Variants in RYK observed in about 807,000 individuals in gnomAD.
RYK encodes receptor like tyrosine kinase.
A neutral mutation model predicts 70.2 loss-of-function variants in RYK; 21 were observed. The ratio of observed to expected loss-of-function variants is 0.30; its 90% CI spans 0.21 to 0.43. RYK has a LOEUF of 0.43. Among genes scored for constraint, RYK ranks in the 20% least tolerant of loss-of-function variants. RYK has a pLI of 1.00. For missense variants in RYK, 604 were observed against 753.3 expected (o/e 0.80, Z 2.32); for synonymous variants, 267 against 278.0 (o/e 0.96, Z 0.39).
chr3:134,163,432 T>C (rs997883293), intron 13 of RYK, among the ~76,000 whole-genome samples: 15 of 152,212 alleles, frequency 9.9e-5, no homozygotes, highest in African/African-American at 3.1e-4. Flanking sequence ...TTACGAAAGA[T>C]TGTGGCTATC....
At chr3:134,229,744 A>G (rs1236153100) in intron 1 of RYK, among the ~76,000 whole-genome samples, 1 of 152,190 alleles carries the variant, frequency 6.6e-6, no homozygotes, top group African/African-American at 2.4e-5. Flanking sequence ...ATTAAATAAA[A>G]TGGACAAAAG....
intron 6 of RYK, among the ~76,000 whole-genome samples, chr3:134,198,894 G>A (rs1475490966): frequency 6.6e-6 from 1 of 152,140 alleles, no homozygotes; most frequent in Non-Finnish European, 1.5e-5. Context: ...TAATGGCATG[G>A]GGGCGGTGGT....
intron 7 of RYK, among the ~76,000 whole-genome samples, chr3:134,192,802 C>A (rs907966253): frequency 6.6e-6 from 1 of 152,110 alleles, no homozygotes; most frequent in Non-Finnish European, 1.5e-5. Context: ...AAGTTTTGGG[C>A]AACTTTACAA....
chr3:134,177,977 T>G lies in RYK; in HGVS notation c.1269A>C (p.Leu423Phe). The change falls in exon 11 of 15, where the codon TTA (leucine) becomes TTC (phenylalanine). Residue 423 changes from leucine to phenylalanine, a missense_variant. By Grantham distance (22) the Leu-to-Phe change is conservative (BLOSUM62 0). Transcript: ENST00000623711. ...YMNWGNLKLF[L>F]RQCKLVEANN... ...TGGCCTCTACTAACTTGCACTGTCG[T>G]AAAAACAATTTAAGATTCCCCCAAT... The G allele has an allele frequency of 6.2e-7, 1 of 1,613,268 alleles. No individual in the cohort carries two copies. Among genetic ancestry groups the G allele is most frequent in the Non-Finnish European group, 8.5e-7 (1 of 1,179,522 alleles).
chr3:134,232,908 C>T lies in RYK; in HGVS notation c.233-10369G>A, dbSNP rs1434050962. On this transcript the variant is annotated intron_variant, in intron 1 of 14. Transcript: ENST00000623711. ...TTTCAGTGAGAAAGAAAAAGATCCT[C>T]ATTTAGCTCAGCTGCTGCCAAGCAG... Among the ~76,000 whole-genome samples, 6 of 152,232 alleles carry T rather than the reference C, an allele frequency of 3.9e-5. No individual in the cohort carries two copies. In the East Asian group the frequency reaches 1.2e-3, roughly 29 times the overall value.
chr3:134,246,489 C>A (rs79403006), intron 1 of RYK, among the ~76,000 whole-genome samples: 2,104 of 151,058 alleles, frequency 0.014, 15 homozygotes, highest in Middle Eastern at 0.041. Context: ...ACCAACCAAC[C>A]ACACAAAAAC....
intron 13 of RYK, 102 bp from the exon 14 acceptor site, chr3:134,159,475 T>G (rs2012377128): frequency 1.7e-6 from 2 of 1,155,906 alleles, no homozygotes; most frequent in Non-Finnish European, 2.4e-6. Flanking sequence ...GCTCAACTCA[T>G]GCTTTGGAAA....
chr3:134,209,450 T>C (rs2014322625), intron 4 of RYK, among the ~76,000 whole-genome samples: 1 of 152,204 alleles, frequency 6.6e-6, no homozygotes, highest in African/African-American at 2.4e-5. Flanking sequence ...GCACTATTCC[T>C]AATGGAAAAC....
At chr3:134,197,025 CATTGCTTTTAATGCT>C (rs374376769) in intron 6 of RYK, among the ~76,000 whole-genome samples, 403 of 152,102 alleles carry the variant, frequency 2.6e-3, no homozygotes, top group South Asian at 0.011. Context: ...CAGTTTTTGT[CATTGCTTTTAATGCT>C]ATTGCTTTTA....
intron 13 of RYK, among the ~76,000 whole-genome samples, chr3:134,174,954 AAAT>A (rs1000773808): frequency 1.6e-4 from 24 of 152,236 alleles, no homozygotes; most frequent in Admixed American, 3.3e-4. Context: ...TATAAGAAAG[AAAT>A]AATAATGAAA....
rs2012973678 is a variant in RYK at position 134,173,030 on chromosome 3, T to G, written c.1575+2579A>C. Among the ~76,000 whole-genome samples, 5 of 152,234 alleles carry G rather than the reference T, an allele frequency of 3.3e-5. No individual in the cohort carries two copies. In the South Asian group the frequency reaches 1.0e-3, roughly 31 times the overall value. On this transcript the variant is annotated intron_variant, in intron 13 of 14. Coordinates refer to ENST00000623711, the MANE Select transcript of RYK (RefSeq NM_002958.4). ...ATCATTCATATTTACTTTGTTCATC[T>G]CACAAATGTCAGATAAATTGTTTCT...
intron 2 of RYK, among the ~76,000 whole-genome samples, chr3:134,212,145 T>C (rs1178830536): frequency 1.3e-5 from 2 of 151,642 alleles, no homozygotes; most frequent in African/African-American, 4.9e-5. Context: ...AGAAAGTTCA[T>C]GTTTAGATCC....
intron 1 of RYK, among the ~76,000 whole-genome samples, chr3:134,244,268 G>A (rs536557855): frequency 6.6e-6 from 1 of 152,142 alleles, no homozygotes; most frequent in South Asian, 2.1e-4. Context: ...CACCTTCACA[G>A]GCTCCGGAAT....
chr3:134,225,597 T>C (rs1174838035), intron 1 of RYK, among the ~76,000 whole-genome samples: 3 of 152,186 alleles, frequency 2.0e-5, no homozygotes, highest in Non-Finnish European at 4.4e-5. Context: ...GTTACACCTG[T>C]AATCCCAGCT....
intron 2 of RYK, among the ~76,000 whole-genome samples, chr3:134,214,096 C>T (rs545644194): frequency 8.7e-4 from 132 of 152,200 alleles, no homozygotes; most frequent in African/African-American, 3.0e-3. Flanking sequence ...TGTGAGCCAC[C>T]GCGCCCGGCC....
At chr3:134,177,446 C>A (rs2013144627) in intron 11 of RYK, among the ~76,000 whole-genome samples, 1 of 152,172 alleles carries the variant, frequency 6.6e-6, no homozygotes, top group African/African-American at 2.4e-5. Context: ...CTGACCTTTG[C>A]TTTACAGTTA....
chr3:134,173,024 T>C (rs2012973411), intron 13 of RYK, among the ~76,000 whole-genome samples: 1 of 152,246 alleles, frequency 6.6e-6, no homozygotes, highest in Non-Finnish European at 1.5e-5. Context: ...ATTTACTTTG[T>C]TCATCTCACA....
intron 1 of RYK, among the ~76,000 whole-genome samples, chr3:134,245,307 A>C (rs1226312330): frequency 6.6e-6 from 1 of 152,158 alleles, no homozygotes; most frequent in African/African-American, 2.4e-5. Context: ...ACTGCCATTT[A>C]CACATTGTGG....
intron 1 of RYK, among the ~76,000 whole-genome samples, chr3:134,247,119 T>A (rs150531899): frequency 6.6e-6 from 1 of 152,028 alleles, no homozygotes; most frequent in Non-Finnish European, 1.5e-5. Flanking sequence ...AACAAAAATG[T>A]ATAAAAAAAA....
Sources: gnomAD v4.1 joint callset for allele counts (sites outside exome capture counted in the v4.1 genomes callset) on GRCh38, gnomAD v4.1.1 for gene constraint, MANE v1.5 for transcripts, NCBI Gene and HGNC (gene_info 2026-07-23, HGNC 2026-07-21) for gene names.